The following DCC variants were observed in gnomAD, a reference collection of about 807,000 sequenced individuals.
DCC encodes netrin receptor DCC.
In DCC, 58 loss-of-function variants were observed where a neutral mutation model predicts 172.5. The observed-to-expected ratio is 0.34, with a 90% confidence interval of 0.27 to 0.42. The LOEUF is 0.42. DCC is among the 10% of genes least tolerant of loss of function. The pLI is 1.00. For synonymous variants in DCC, 709 were observed against 644.5 expected (o/e 1.10, Z -1.52); for missense variants, 1,740 against 1,791.0 (o/e 0.97, Z 0.51).
intron 1 of DCC, among the ~76,000 whole-genome samples, chr18:52,555,701 A>G (rs1435763495): frequency 2.0e-5 from 3 of 152,154 alleles, no homozygotes; most frequent in Non-Finnish European, 4.4e-5. Context: ...TTTCGTTCTA[A>G]GAAGACTGTT....
intron 5 of DCC, among the ~76,000 whole-genome samples, chr18:53,055,829 C>T (rs186579995): frequency 2.6e-4 from 39 of 152,054 alleles, no homozygotes; most frequent in African/African-American, 9.4e-4. Context: ...CATCACAGCA[C>T]CTTCCTTAAA....
chr18:52,663,796 CTATT>C (rs1355349268), intron 1 of DCC, among the ~76,000 whole-genome samples: 1 of 151,004 alleles, frequency 6.6e-6, no homozygotes, highest in Non-Finnish European at 1.5e-5. Flanking sequence ...AATAAGAACA[CTATT>C]TAGAAATAAG....
chr18:53,374,721 G>C (rs1041654714), intron 15 of DCC, among the ~76,000 whole-genome samples: 3 of 152,012 alleles, frequency 2.0e-5, no homozygotes, highest in East Asian at 3.9e-4. Flanking sequence ...CATACACACA[G>C]TCTCAGACAC....
intron 1 of DCC, among the ~76,000 whole-genome samples, chr18:52,584,438 G>C (rs1237452458): frequency 6.6e-6 from 1 of 152,216 alleles, no homozygotes; most frequent in Non-Finnish European, 1.5e-5. Context: ...GAGAGACAGA[G>C]AGACAGGACC....
At chr18:52,798,369 T>C (rs1049739183) in intron 2 of DCC, among the ~76,000 whole-genome samples, 4 of 152,194 alleles carry the variant, frequency 2.6e-5, no homozygotes, top group Non-Finnish European at 5.9e-5. Context: ...AAGTTTCTTT[T>C]CTTTTTAAAA....
intron 2 of DCC, among the ~76,000 whole-genome samples, chr18:52,888,765 T>A (rs2039605173): frequency 6.6e-6 from 1 of 152,196 alleles, no homozygotes; most frequent in East Asian, 1.9e-4. Flanking sequence ...GTTTACCATA[T>A]ATTTTAGCAA....
At chr18:52,517,871 T>C (rs1389351898) in intron 1 of DCC, among the ~76,000 whole-genome samples, 3 of 152,230 alleles carry the variant, frequency 2.0e-5, no homozygotes, top group Admixed American at 6.5e-5. Flanking sequence ...TCTGGTTTTA[T>C]CCATGCCATT....
intron 7 of DCC, among the ~76,000 whole-genome samples, chr18:53,129,528 C>T (rs2043620125): frequency 6.6e-6 from 1 of 152,100 alleles, no homozygotes; most frequent in Admixed American, 6.6e-5. Context: ...TGATTTCTAA[C>T]ACCATTGCAT....
chr18:53,039,001 A>C (rs72915208), intron 5 of DCC, among the ~76,000 whole-genome samples: 13,410 of 152,044 alleles, frequency 0.088, 840 homozygotes, highest in Non-Finnish European at 0.13. Flanking sequence ...CTGTCACATC[A>C]GGGAAAAAAT....
chr18:52,910,362 A>G (rs75666527), intron 3 of DCC, among the ~76,000 whole-genome samples: 1 of 152,090 alleles, frequency 6.6e-6, no homozygotes, highest in Non-Finnish European at 1.5e-5. Context: ...CCAGATTAAG[A>G]TAATTATTTG....
chr18:53,182,959 T>C (rs1598884006), intron 9 of DCC, among the ~76,000 whole-genome samples: 1 of 152,192 alleles, frequency 6.6e-6, no homozygotes, highest in East Asian at 1.9e-4. Context: ...TTTTCATCAA[T>C]ATTTCTTTTC....
intron 5 of DCC, among the ~76,000 whole-genome samples, chr18:52,955,265 C>T (rs190956830): frequency 4.6e-5 from 7 of 152,164 alleles, no homozygotes; most frequent in East Asian, 3.9e-4. Flanking sequence ...TTACTGTCTC[C>T]GTAATTTTAC....
chr18:53,507,782 T>C (rs1271780913), intron 27 of DCC, among the ~76,000 whole-genome samples: 1 of 152,182 alleles, frequency 6.6e-6, no homozygotes, highest in Non-Finnish European at 1.5e-5. Context: ...TTTTTCAAAG[T>C]GCTCTTCTAA....
chr18:53,258,171 A>T (rs1362932577), intron 12 of DCC, among the ~76,000 whole-genome samples: 4 of 151,976 alleles, frequency 2.6e-5, no homozygotes, highest in South Asian at 4.1e-4. Context: ...AGCTCCTGGA[A>T]TCATTGATTT....
intron 5 of DCC, among the ~76,000 whole-genome samples, chr18:53,023,708 A>G (rs1315659985): frequency 6.6e-6 from 1 of 152,146 alleles, no homozygotes; most frequent in African/African-American, 2.4e-5. Flanking sequence ...GATCTTTAAA[A>G]TGGTTGTTTA....
intron 2 of DCC, among the ~76,000 whole-genome samples, chr18:52,808,686 T>A (rs2038135930): frequency 1.3e-5 from 2 of 152,158 alleles, no homozygotes; most frequent in Admixed American, 6.5e-5. Flanking sequence ...GGCAGAAGTT[T>A]CCCTGTTGTA....
chr18:53,270,206 G>A (rs1431052870), intron 12 of DCC, among the ~76,000 whole-genome samples: 3 of 152,122 alleles, frequency 2.0e-5, no homozygotes, highest in Non-Finnish European at 4.4e-5. Context: ...AATATCTGCA[G>A]TTTGACCACT....
At chr18:52,384,686 C>T (rs1232017290) in intron 1 of DCC, among the ~76,000 whole-genome samples, 1 of 152,048 alleles carries the variant, frequency 6.6e-6, no homozygotes, top group Non-Finnish European at 1.5e-5. Flanking sequence ...TTTTTATGCC[C>T]GCATTTGTAT....
At chr18:52,504,494 T>G (rs1184377037) in intron 1 of DCC, among the ~76,000 whole-genome samples, 2 of 152,136 alleles carry the variant, frequency 1.3e-5, no homozygotes, top group Admixed American at 6.5e-5. Flanking sequence ...AGCTAGGGCC[T>G]CCTTAGACTG....
Sources: allele counts gnomAD v4.1 joint callset (sites outside exome capture counted in the v4.1 genomes callset), GRCh38; gene constraint gnomAD v4.1.1; transcripts MANE v1.5; gene names NCBI Gene and HGNC (gene_info 2026-07-23, HGNC 2026-07-21).